The following PALB2 variants were observed in gnomAD, a reference collection of about 807,000 sequenced individuals.
PALB2 encodes the protein partner and localizer of BRCA2, also known as mutant partner and localizer of BRCA2.
PALB2 carries 82 observed loss-of-function variants against 107.4 expected under a neutral mutation model. The observed-to-expected ratio is 0.76, with a 90% CI of 0.64 to 0.92. The LOEUF (loss-of-function observed/expected upper bound fraction) is 0.92, where lower values mean the gene tolerates loss of function less well. PALB2 is among the 40% of genes least tolerant of loss of function. The pLI, the probability that PALB2 is intolerant of heterozygous loss-of-function variation, is 0.00. For synonymous variants in PALB2, 489 were observed against 496.8 expected (o/e 0.98, Z 0.21); for missense variants, 1,374 against 1,379.9 (o/e 1.00, Z 0.07).
chr16:23,612,407 C>T lies in PALB2; in HGVS notation c.3201+1597G>A, dbSNP rs535848422. On this transcript the variant is annotated intron_variant, in intron 11 of 12. Transcript: ENST00000261584. Reference sequence around the variant, plus strand: ...CTAATTTTTGTAGTTTTAGTAGAGACGGGGTTTTACCATGTTGGCCAGGCT... The same window carrying T: ...CTAATTTTTGTAGTTTTAGTAGAGATGGGGTTTTACCATGTTGGCCAGGCT... Among the ~76,000 whole-genome samples, 554 of 151,674 alleles carry T rather than the reference C, an allele frequency of 3.7e-3. 2 individuals are homozygous for T. Among genetic ancestry groups the T allele is most frequent in the Non-Finnish European group, 5.9e-3 (402 of 67,928 alleles).
chr16:23,637,077 G>C (rs964699183), intron 3 of PALB2, among the ~76,000 whole-genome samples: 1 of 151,566 alleles, frequency 6.6e-6, no homozygotes, highest in Non-Finnish European at 1.5e-5. Context: ...GTGAAACCCT[G>C]TCTCTACTAA....
chr16:23,616,725 C>G (rs1336214247), intron 10 of PALB2, among the ~76,000 whole-genome samples: 1 of 152,164 alleles, frequency 6.6e-6, no homozygotes, highest in Non-Finnish European at 1.5e-5. Flanking sequence ...ATATGGACAG[C>G]AAGACTTCCT....
chr16:23,630,277 T>C lies in PALB2; in HGVS notation c.1877A>G (p.Lys626Arg), dbSNP rs539057238. The part of the protein sequence containing the change: ...DEDFGPLKLE[K>R]VKSCSEKPVE... Reference sequence around the variant, plus strand: ...TGGTTTTTCTGAGCAGGACTTCACTTTTTCAAGCTTAAGAGGTCCAAAGTC... The same window carrying C: ...TGGTTTTTCTGAGCAGGACTTCACTCTTTCAAGCTTAAGAGGTCCAAAGTC... Residue 626 changes from lysine (K) to arginine (R), a missense_variant, in exon 5 of 13, where the codon AAA becomes AGA. Coordinates refer to ENST00000261584, the MANE Select transcript of PALB2 (RefSeq NM_024675.4). The C allele has an allele frequency of 6.2e-7, 1 of 1,614,156 alleles. No homozygotes were observed. Among genetic ancestry groups the C allele is most frequent in the African/African-American group, 1.3e-5 (1 of 75,048 alleles).
intron 7 of PALB2, 95 bp from the exon 8 acceptor site, chr16:23,624,189 A>C: frequency 2.5e-5 from 20 of 798,006 alleles, no homozygotes; most frequent in Non-Finnish European, 4.1e-5. Context: ...TTGTATTCTC[A>C]CTGTACAAGG....
intron 1 of PALB2, chr16:23,640,430 G>A: frequency 5.0e-6 from 1 of 201,620 alleles, no homozygotes; most frequent in East Asian, 7.7e-5. Context: ...CTTGATCCCA[G>A]GAAGCGGAGG....
intron 4 of PALB2, among the ~76,000 whole-genome samples, chr16:23,632,822 G>A (rs1482939144): frequency 6.6e-6 from 1 of 152,204 alleles, no homozygotes; most frequent in Non-Finnish European, 1.5e-5. Flanking sequence ...GGCTGGGCCT[G>A]GTGGCTCACG....
chr16:23,623,200 CTTT>C (rs754470879), intron 8 of PALB2, 70 bp from the exon 9 acceptor site: 19,528 of 765,358 alleles, frequency 0.026, 2 homozygotes, highest in East Asian at 0.034. Context: ...ACTAGGTTCA[CTTT>C]TTTTTTTTTT....
intron 5 of PALB2, among the ~76,000 whole-genome samples, 176 bp from the exon 6 acceptor site, chr16:23,629,451 A>G (rs1420129012): frequency 1.3e-5 from 2 of 152,234 alleles, no homozygotes; most frequent in African/African-American, 4.8e-5. Context: ...CCCATATTTA[A>G]AAGAAACATT....
At chr16:23,616,067 C>T (rs950380819) in intron 10 of PALB2, among the ~76,000 whole-genome samples, 5 of 152,178 alleles carry the variant, frequency 3.3e-5, no homozygotes, top group African/African-American at 1.2e-4. Context: ...ATTTCCTTGA[C>T]TCTAGACTTT....
At chr16:23,623,632 G>A (rs1206201658) in intron 8 of PALB2, among the ~76,000 whole-genome samples, 1 of 147,494 alleles carries the variant, frequency 6.8e-6, no homozygotes, top group Admixed American at 7.0e-5. Context: ...TCCTGCCTCA[G>A]CCTCCTGAGT....
At chr16:23,619,330 G>C (rs1436118433) in intron 10 of PALB2, among the ~76,000 whole-genome samples, 2 of 152,078 alleles carry the variant, frequency 1.3e-5, no homozygotes, top group African/African-American at 4.8e-5. Flanking sequence ...CTGTTAATTT[G>C]GTTCCTGTGA....
chr16:23,629,405 CAA>C (rs1294535267), intron 5 of PALB2, 130 bp from the exon 6 acceptor site: 4 of 955,756 alleles, frequency 4.2e-6, no homozygotes, highest in Non-Finnish European at 4.9e-6. Flanking sequence ...GCTCCAAATG[CAA>C]ACTGTTTCAC....
chr16:23,634,773 T>C, intron 4 of PALB2, 89 bp downstream of exon 4: 1 of 1,525,590 alleles, frequency 6.6e-7, no homozygotes. Flanking sequence ...TGTCACTTTT[T>C]AGAAAAGAAA....
intron 10 of PALB2, 47 bp from the exon 11 acceptor site, chr16:23,614,138 C>G (rs2142300759): frequency 7.4e-7 from 1 of 1,357,448 alleles, no homozygotes. Flanking sequence ...TCCAACAAAC[C>G]AGTTTTCAGA....
chr16:23,635,342 G>C lies in PALB2; in HGVS notation c.1204C>G (p.Leu402Val), dbSNP rs1555461402. 1.2e-6 allele frequency: 2 copies of C among 1,613,962 alleles called. No individual in the cohort carries two copies. Among genetic ancestry groups the C allele is most frequent in the Non-Finnish European group, 1.7e-6 (2 of 1,180,030 alleles). Residue 402 changes from leucine to valine, a missense_variant, in exon 4 of 13, where the codon CTT becomes GTT. Leu to Val is a conservative substitution (Grantham distance 32, BLOSUM62 1). Transcript: ENST00000261584. ...ACATAATATTCTGCAGGAAACAGAA[G>C]GCCTTCAGGCACTGTGCAAGAATGT... ...EKHSCTVPEG[L>V]LFPAEYYVRT...
In PALB2 at chr16:23,603,438, G is replaced by T. The variant is rs557533790; in HGVS notation, c.*21C>A. 8.8e-6 allele frequency: 14 copies of T among 1,585,422 alleles called. No individual in the cohort carries two copies. In the African/African-American group the frequency reaches 1.9e-4, roughly 21 times the overall value. On this transcript the variant is annotated 3_prime_UTR_variant, in exon 13 of 13. Coordinates refer to ENST00000261584, the MANE Select transcript of PALB2 (RefSeq NM_024675.4). ...AGAGGCCCAATATATCCAGAAAATT[G>T]TGTTTTCACTTTACCCTAACTTATG...
In PALB2 at chr16:23,628,934, C is replaced by A. The variant is rs555448007; in HGVS notation, c.2586+270G>T. Among the ~76,000 whole-genome samples the A allele has an allele frequency of 1.2e-4, 19 of 152,218 alleles. No individual in the cohort carries two copies. In the South Asian group the frequency reaches 3.3e-3, roughly 27 times the overall value. On this transcript the variant is annotated intron_variant, in intron 6 of 12. Transcript: ENST00000261584. ...TAGGGGTGAGCCACCGTGCCCAGCT[C>A]CCTAACTTAGATTTAGACATGAAGT...
intron 4 of PALB2, among the ~76,000 whole-genome samples, chr16:23,634,450 G>A (rs778417023): frequency 1.3e-5 from 2 of 152,030 alleles, no homozygotes; most frequent in African/African-American, 2.4e-5. Context: ...AGGAGTTCAA[G>A]ATCAGCCTGG....
At chr16:23,605,718 AGT>A (rs1966460659) in intron 12 of PALB2, 5 of 152,302 alleles carry the variant, frequency 3.3e-5, no homozygotes, top group Admixed American at 3.3e-4. Context: ...CAGAAATAGC[AGT>A]GTTTTGCTAT....
Sources: allele counts gnomAD v4.1 joint callset (sites outside exome capture counted in the v4.1 genomes callset), GRCh38; gene constraint gnomAD v4.1.1; transcripts MANE v1.5; gene names NCBI Gene and HGNC (gene_info 2026-07-23, HGNC 2026-07-21).